The following FHIT variants were observed in gnomAD, a reference collection of about 807,000 sequenced individuals.
FHIT encodes the protein fragile histidine triad diadenosine triphosphatase.
A neutral mutation model predicts 17.9 loss-of-function variants in FHIT; 19 were observed. That is an observed-to-expected ratio of 1.06 (90% CI 0.74 to 1.56). The LOEUF is 1.56. FHIT is among the 40% of genes most tolerant of loss of function. The pLI is 0.00. For missense variants in FHIT, 248 were observed against 189.2 expected (o/e 1.31, Z -1.82); for synonymous variants, 81 against 69.7 (o/e 1.16, Z -0.81).
intron 7 of FHIT, among the ~76,000 whole-genome samples, chr3:59,956,408 G>T (rs184702280): frequency 6.6e-6 from 1 of 152,188 alleles, no homozygotes; most frequent in African/African-American, 2.4e-5. Flanking sequence ...GGTGGCTCAC[G>T]CCTATAATCT....
chr3:60,864,354 C>T (rs902722703), intron 3 of FHIT, among the ~76,000 whole-genome samples: 3 of 152,088 alleles, frequency 2.0e-5, no homozygotes, highest in South Asian at 2.1e-4. Flanking sequence ...AAGTTACTAT[C>T]GGTAAGTGGT....
At chr3:60,225,492 G>A (rs895509700) in intron 5 of FHIT, among the ~76,000 whole-genome samples, 3 of 152,140 alleles carry the variant, frequency 2.0e-5, no homozygotes, top group Non-Finnish European at 4.4e-5. Flanking sequence ...TAAATGTCTG[G>A]GTATTAGGGA....
chr3:59,928,196 G>A (rs145635724), intron 7 of FHIT, among the ~76,000 whole-genome samples: 86 of 152,250 alleles, frequency 5.6e-4, no homozygotes, highest in African/African-American at 2.0e-3. Context: ...ACGATACTGT[G>A]GTAAAACGAT....
At chr3:59,872,191 G>A (rs1702955065) in intron 8 of FHIT, among the ~76,000 whole-genome samples, 1 of 152,146 alleles carries the variant, frequency 6.6e-6, no homozygotes, top group African/African-American at 2.4e-5. Context: ...AACAGCAATA[G>A]AGAAGGAGGT....
intron 7 of FHIT, among the ~76,000 whole-genome samples, chr3:59,986,702 T>TTATATAAATATATG (rs1708949753): frequency 2.3e-5 from 1 of 42,918 alleles, no homozygotes; most frequent in Non-Finnish European, 3.9e-5. Flanking sequence ...TTATATATAT[T>TTATATAAATATATG]TATATAAATA....
intron 5 of FHIT, among the ~76,000 whole-genome samples, chr3:60,097,275 T>C (rs2107123386): frequency 6.6e-6 from 1 of 152,070 alleles, no homozygotes; most frequent in African/African-American, 2.4e-5. Flanking sequence ...GGAGCTTAAA[T>C]GGAATAGTAG....
intron 4 of FHIT, among the ~76,000 whole-genome samples, chr3:60,744,638 A>C (rs558488392): frequency 6.6e-6 from 1 of 152,330 alleles, no homozygotes; most frequent in African/African-American, 2.4e-5. Flanking sequence ...CATTTTGAAC[A>C]GTTGTTAATG....
intron 5 of FHIT, among the ~76,000 whole-genome samples, chr3:60,023,846 T>C (rs1488251153): frequency 1.3e-5 from 2 of 152,218 alleles, no homozygotes; most frequent in Non-Finnish European, 2.9e-5. Flanking sequence ...TGTAGGCTTA[T>C]TCATTGTTTA....
chr3:61,214,335 A>T (rs1011950678), intron 1 of FHIT, among the ~76,000 whole-genome samples: 2 of 152,240 alleles, frequency 1.3e-5, no homozygotes, highest in Non-Finnish European at 2.9e-5. Context: ...ATCACCACCA[A>T]TCCCATAGAA....
At chr3:61,161,350 T>C (rs767250119) in intron 2 of FHIT, among the ~76,000 whole-genome samples, 202 of 151,946 alleles carry the variant, frequency 1.3e-3, no homozygotes, top group Non-Finnish European at 2.5e-3. Context: ...TACAGGTGCA[T>C]GCCACCACGC....
At chr3:60,216,492 G>C (rs918232505) in intron 5 of FHIT, among the ~76,000 whole-genome samples, 1 of 152,284 alleles carries the variant, frequency 6.6e-6, no homozygotes, top group Admixed American at 6.5e-5. Context: ...ACTGGGGTAA[G>C]AGAGAATATT....
At chr3:59,867,271 AT>A (rs1702698897) in intron 8 of FHIT, among the ~76,000 whole-genome samples, 1 of 150,448 alleles carries the variant, frequency 6.6e-6, no homozygotes, top group South Asian at 2.1e-4. Context: ...CTGTGTTAAA[AT>A]TTGGACACAC....
rs57891077 is a variant in FHIT, at chr3:60,576,949, TACACACACACACAC to T, written c.-17-39984_-17-39971del. On this transcript the variant is annotated intron_variant, in intron 4 of 9. Coordinates refer to ENST00000492590, the MANE Select transcript of FHIT (RefSeq NM_002012.4). ...AATTACATATTTGCATCCATTTGCATACACACACACACACACACACACACACACACAGGTCTCAT... is the reference window on the plus strand; with the variant it reads ...AATTACATATTTGCATCCATTTGCATACACACACACACACACAGGTCTCAT... Among the ~76,000 whole-genome samples the T allele has an allele frequency of 3.8e-4, 56 of 146,850 alleles. No individual in the cohort carries two copies. In the South Asian group the frequency reaches 0.012, roughly 32 times the overall value.
intron 5 of FHIT, among the ~76,000 whole-genome samples, chr3:60,391,548 A>G (rs1348322756): frequency 6.6e-6 from 1 of 152,196 alleles, no homozygotes; most frequent in East Asian, 1.9e-4. Context: ...AGTGCCCTGT[A>G]CAGGTCTACC....
At chr3:59,759,688 C>A (rs1418062228) in intron 8 of FHIT, among the ~76,000 whole-genome samples, 1 of 152,144 alleles carries the variant, frequency 6.6e-6, no homozygotes, top group East Asian at 1.9e-4. Flanking sequence ...TGCTTTCATG[C>A]TTCTGGCACC....
chr3:60,639,312 C>A (rs782689214), intron 4 of FHIT, among the ~76,000 whole-genome samples: 31 of 151,898 alleles, frequency 2.0e-4, no homozygotes, highest in Non-Finnish European at 4.1e-4. Flanking sequence ...AAAAGTGATC[C>A]CAATACTCCT....
In FHIT at chr3:60,443,702, G is replaced by A. The variant is rs183218526; in HGVS notation, c.103+93158C>T. ...GTATTTTATTGAGGATTTTTGCATC[G>A]ATGTTCATCAGGGATACTGGTCTAA... On this transcript the variant is annotated intron_variant, in intron 5 of 9. Coordinates refer to ENST00000492590, the MANE Select transcript of FHIT (RefSeq NM_002012.4). Among the ~76,000 whole-genome samples the A allele has an allele frequency of 7.9e-5, 12 of 152,080 alleles. 1 individual carries two copies. The East Asian group carries it at 9.7e-4, about 12-fold the overall frequency.
chr3:60,567,684 A>G (rs1328450078), intron 4 of FHIT, among the ~76,000 whole-genome samples: 4 of 152,342 alleles, frequency 2.6e-5, no homozygotes, highest in Admixed American at 1.3e-4. Context: ...ACAGAATGGG[A>G]GAAAATTTTT....
chr3:60,100,683 A>G (rs1704155308), intron 5 of FHIT, among the ~76,000 whole-genome samples: 1 of 152,172 alleles, frequency 6.6e-6, no homozygotes, highest in South Asian at 2.1e-4. Flanking sequence ...GCTCGAGGAC[A>G]AAGTTTAGCT....
Sources: gnomAD v4.1 joint callset for allele counts (sites outside exome capture counted in the v4.1 genomes callset) on GRCh38, gnomAD v4.1.1 for gene constraint, MANE v1.5 for transcripts, NCBI Gene and HGNC (gene_info 2026-07-23, HGNC 2026-07-21) for gene names.